Variants in GPRC6A observed in about 807,000 individuals in gnomAD.
The protein encoded by GPRC6A is G protein-coupled receptor family C group 6 member A.
GPRC6A carries 54 observed loss-of-function variants against 47.0 expected under a neutral mutation model. The observed-to-expected ratio is 1.15, with a 90% CI of 0.92 to 1.44. The LOEUF (loss-of-function observed/expected upper bound fraction) is 1.44, where lower values mean the gene tolerates loss of function less well. Among genes scored for constraint, GPRC6A ranks in the 40% most tolerant of loss-of-function variants. The probability of loss-of-function intolerance (pLI) is 0.00; values close to 1 mark genes in which losing one functional copy is unlikely to be tolerated. For synonymous variants in GPRC6A, 347 were observed against 377.1 expected (o/e 0.92, Z 0.93); for missense variants, 1,112 against 1,105.5 (o/e 1.01, Z -0.08).
At chr6:116,810,898 A>G (rs759742353) in intron 1 of GPRC6A, among the ~76,000 whole-genome samples, 29 of 152,290 alleles carry the variant, frequency 1.9e-4, no homozygotes, top group Non-Finnish European at 2.6e-4. Context: ...GCCATCATGC[A>G]TGCCACACAA....
At chr6:116,816,756 G>T (rs981524068) in intron 1 of GPRC6A, among the ~76,000 whole-genome samples, 3 of 152,088 alleles carry the variant, frequency 2.0e-5, no homozygotes, top group African/African-American at 7.2e-5. Context: ...TTCCCTTTCC[G>T]AGTCAAAGAA....
intron 2 of GPRC6A, 36 bp downstream of exon 2, chr6:116,809,278 A>G: frequency 6.4e-7 from 1 of 1,550,748 alleles, no homozygotes; most frequent in East Asian, 2.3e-5. Flanking sequence ...AACAAATGTG[A>G]TCAAAAGCAA....
Position 116,807,128 on chromosome 6 carries a change from A to G in GPRC6A, c.577T>C (p.Phe193Leu), listed in dbSNP as rs1772874843. 4 of 1,613,632 alleles carry G rather than the reference A, an allele frequency of 2.5e-6. No homozygotes were observed. Among genetic ancestry groups the G allele is most frequent in the African/African-American group, 2.7e-5 (2 of 74,902 alleles). Residue 193 changes from phenylalanine (F) to leucine (L), a missense_variant, in exon 3 of 6, where the codon TTC becomes CTC. Phe to Leu is a conservative substitution (Grantham distance 22). Coordinates refer to ENST00000310357, the MANE Select transcript of GPRC6A (RefSeq NM_148963.4). ...TGAGCCATTGCTTTAATTTGATGGA[A>G]GTCACTGGGCACAGTCCGTAAAAAT... ...PSFLRTVPSDFHQIKAMAHLI... is the reference protein window; with the variant it reads ...PSFLRTVPSDLHQIKAMAHLI...
intron 1 of GPRC6A, among the ~76,000 whole-genome samples, chr6:116,827,063 G>A (rs939529631): frequency 6.6e-6 from 1 of 151,704 alleles, no homozygotes; most frequent in African/African-American, 2.4e-5. Flanking sequence ...TGGGTGGGTA[G>A]GAGAGGGAAT....
intron 1 of GPRC6A, among the ~76,000 whole-genome samples, chr6:116,818,848 C>A (rs923778086): frequency 4.6e-5 from 7 of 151,578 alleles, no homozygotes; most frequent in African/African-American, 1.5e-4. Flanking sequence ...ATCAAATTCA[C>A]ACATAACAAT....
chr6:116,813,171 G>A (rs1327114788), intron 1 of GPRC6A, among the ~76,000 whole-genome samples: 1 of 152,122 alleles, frequency 6.6e-6, no homozygotes, highest in Admixed American at 6.6e-5. Context: ...TCATGAAAAT[G>A]GCCATACTAC....
intron 1 of GPRC6A, among the ~76,000 whole-genome samples, chr6:116,813,104 A>C (rs1773082033): frequency 6.6e-6 from 1 of 152,216 alleles, no homozygotes; most frequent in African/African-American, 2.4e-5. Context: ...CAATGAAATA[A>C]AAGAAGACAC....
At position 116,795,742 on chromosome 6, in the gene GPRC6A, A is replaced by G. The variant is rs1772463164; in HGVS notation, c.1642T>C (p.Cys548Arg). 6.2e-7 allele frequency: 1 copy of G among 1,610,878 alleles called. No individual in the cohort carries two copies. Among genetic ancestry groups the G allele is most frequent in the East Asian group, 2.2e-5 (1 of 44,776 alleles). The change falls in exon 5 of 6, where the codon TGT becomes CGT. Residue 548 changes from cysteine to arginine, a missense_variant. Cys to Arg is a radical substitution (Grantham distance 180). Coordinates refer to ENST00000310357, the MANE Select transcript of GPRC6A (RefSeq NM_148963.4). ...TGATTAGTGTAATGATTTTCAGGAC[A>G]GTTCTGACATTCATAGCAACAGATG... ...QHICCYECQN[C>R]PENHYTNQTD...
intron 1 of GPRC6A, among the ~76,000 whole-genome samples, chr6:116,818,579 A>G (rs1331575314): frequency 7.4e-6 from 1 of 135,032 alleles, no homozygotes; most frequent in Non-Finnish European, 1.6e-5. Flanking sequence ...AAGAATTTTC[A>G]ACCCAGAATT....
chr6:116,798,981 G>A (rs1458898252), intron 4 of GPRC6A, among the ~76,000 whole-genome samples: 1 of 152,082 alleles, frequency 6.6e-6, no homozygotes, highest in Non-Finnish European at 1.5e-5. Flanking sequence ...AACAGCAGTG[G>A]AGTAGGTAGT....
intron 1 of GPRC6A, among the ~76,000 whole-genome samples, chr6:116,810,133 C>G (rs994589172): frequency 6.6e-6 from 1 of 152,098 alleles, no homozygotes; most frequent in Non-Finnish European, 1.5e-5. Flanking sequence ...ATTCAGAGTA[C>G]ATTTTTTATA....
At chr6:116,803,160 T>G (rs927110829) in intron 3 of GPRC6A, among the ~76,000 whole-genome samples, 1 of 152,146 alleles carries the variant, frequency 6.6e-6, no homozygotes, top group Non-Finnish European at 1.5e-5. Flanking sequence ...ACATTTTTGA[T>G]GCTCTCTGTC....
intron 1 of GPRC6A, among the ~76,000 whole-genome samples, chr6:116,823,052 T>C (rs1272415353): frequency 6.6e-6 from 1 of 152,104 alleles, no homozygotes. Context: ...TTAATGCAAA[T>C]TTTTGCAGCC....
Position 116,807,147 on chromosome 6 carries a change from T to C in GPRC6A, c.558A>G (p.Leu186=). The change falls in exon 3 of 6, where the codon TTA becomes TTG. Residue 186 remains leucine (L), a synonymous_variant. Coordinates refer to ENST00000310357, the MANE Select transcript of GPRC6A (RefSeq NM_148963.4). The part of the protein sequence containing the change: ...LSDKIRFPSF[L]RTVPSDFHQI... Reference sequence around the variant, plus strand: ...GATGGAAGTCACTGGGCACAGTCCGTAAAAATGAAGGAAAGCGAATTTTGT... The same window carrying C: ...GATGGAAGTCACTGGGCACAGTCCGCAAAAATGAAGGAAAGCGAATTTTGT... The C allele has an allele frequency of 1.2e-6, 2 of 1,613,504 alleles. No individual in the cohort carries two copies. The highest frequency in any genetic ancestry group is 1.7e-6 in the Non-Finnish European group (2 of 1,179,676).
intron 1 of GPRC6A, among the ~76,000 whole-genome samples, chr6:116,817,093 C>T (rs1773245240): frequency 6.6e-6 from 1 of 152,096 alleles, no homozygotes; most frequent in African/African-American, 2.4e-5. Context: ...AGGGCACAGA[C>T]AAACAAAAAG....
At chr6:116,809,052 T>C (rs1308175916) in intron 2 of GPRC6A, among the ~76,000 whole-genome samples, 2 of 152,198 alleles carry the variant, frequency 1.3e-5, no homozygotes, top group East Asian at 1.9e-4. Context: ...TCTAGCCAGA[T>C]TGGCCTTTTT....
intron 3 of GPRC6A, among the ~76,000 whole-genome samples, chr6:116,804,797 A>C (rs1772786936): frequency 6.6e-6 from 1 of 151,878 alleles, no homozygotes; most frequent in Non-Finnish European, 1.5e-5. Flanking sequence ...GGGGTGAATA[A>C]CTCTTGCTAT....
At chr6:116,798,345 A>G (rs1772552489) in intron 4 of GPRC6A, among the ~76,000 whole-genome samples, 1 of 152,186 alleles carries the variant, frequency 6.6e-6, no homozygotes, top group Non-Finnish European at 1.5e-5. Flanking sequence ...AGGCAAAGGA[A>G]ATAGCAGGGG....
At chr6:116,813,450 AC>A (rs1773095681) in intron 1 of GPRC6A, among the ~76,000 whole-genome samples, 1 of 152,136 alleles carries the variant, frequency 6.6e-6, no homozygotes, top group African/African-American at 2.4e-5. Context: ...CAGGAATAAT[AC>A]TACACATCTA....
Sources: gnomAD v4.1 joint callset for allele counts (sites outside exome capture counted in the v4.1 genomes callset) on GRCh38, gnomAD v4.1.1 for gene constraint, MANE v1.5 for transcripts, NCBI Gene and HGNC (gene_info 2026-07-23, HGNC 2026-07-21) for gene names.